ATP8B4: variants seen among roughly 807,000 people sequenced by gnomAD.
The protein encoded by ATP8B4 is probable phospholipid-transporting ATPase IM.
Under a neutral mutation model 145.6 loss-of-function variants are expected in ATP8B4, and 133 were observed. That is an observed-to-expected ratio of 0.91 (90% CI 0.79 to 1.05). The LOEUF is 1.05. Ranked by LOEUF, ATP8B4 falls within the 50% of genes least tolerant of loss-of-function variation. The probability of loss-of-function intolerance (pLI) is 0.00; values close to 1 mark genes in which losing one functional copy is unlikely to be tolerated. For synonymous variants in ATP8B4, 507 were observed against 492.9 expected (o/e 1.03, Z -0.38); for missense variants, 1,458 against 1,425.2 (o/e 1.02, Z -0.37).
chr15:50,086,039 T>TAAA (rs2055003034), intron 2 of ATP8B4, among the ~76,000 whole-genome samples: 1 of 106,100 alleles, frequency 9.4e-6, no homozygotes, highest in Non-Finnish European at 1.7e-5. Flanking sequence ...TTATATATAA[T>TAAA]ATAATATATA....
intron 16 of ATP8B4, among the ~76,000 whole-genome samples, chr15:49,925,594 T>C (rs1000938635): frequency 6.6e-6 from 1 of 152,200 alleles, no homozygotes; most frequent in Non-Finnish European, 1.5e-5. Context: ...TTACCATCAC[T>C]GTATCTTAGT....
intron 19 of ATP8B4, among the ~76,000 whole-genome samples, chr15:49,917,507 C>G (rs555961466): frequency 4.0e-4 from 61 of 152,156 alleles, no homozygotes; most frequent in African/African-American, 1.5e-3. Flanking sequence ...AAAAAATGCT[C>G]TTATGAAATT....
rs1567113428 is a variant in ATP8B4 at position 49,972,666 on chromosome 15, C to A, written c.1159G>T (p.Glu387Ter). ...CCCGTTTTGTCGGAGAAAATGTACT[C>A]AATCTGCCCCAGTTCCTCATTGAGC... Reference protein sequence around the residue: ...TTLNEELGQIEYIFSDKTGTL... With the variant: ...TTLNEELGQI Residue 387 changes from glutamate (E) to a stop codon, truncating the protein, a stop_gained, in exon 13 of 28, where the codon GAG becomes TAG. Transcript: ENST00000284509. LOFTEE classifies it high-confidence loss of function. The A allele has an allele frequency of 6.2e-7, 1 of 1,613,994 alleles. No individual in the cohort carries two copies. The highest frequency in any genetic ancestry group is 8.5e-7 in the Non-Finnish European group (1 of 1,179,978).
At chr15:50,105,126 A>T (rs114099659) in intron 2 of ATP8B4, among the ~76,000 whole-genome samples, 2,756 of 152,078 alleles carry the variant, frequency 0.018, 84 homozygotes, top group African/African-American at 0.063. Context: ...GAGTGAGGGA[A>T]AAAAGACTAC....
Position 50,144,693 on chromosome 15 carries a change from T to C in ATP8B4, c.-43+37568A>G, listed in dbSNP as rs549019084. 7.2e-5 allele frequency among the ~76,000 whole-genome samples: 11 copies of C among 152,242 alleles called. No individual in the cohort carries two copies. The South Asian group carries it at 2.3e-3, about 32-fold the overall frequency. ...ATCACAAAGTTAAGGCATGTTTTCC[T>C]TCACTTCATCATGAAAGAATAACCT... On this transcript the variant is annotated intron_variant, in intron 1 of 3. Transcript: ENST00000558829.
intron 5 of ATP8B4, among the ~76,000 whole-genome samples, chr15:50,043,755 C>T: frequency 6.6e-6 from 1 of 151,538 alleles, no homozygotes; most frequent in Non-Finnish European, 1.5e-5. Flanking sequence ...AGATCGAGAC[C>T]ATCCTGGCTA....
chr15:50,125,340 C>G (rs2057300082), intron 1 of ATP8B4, among the ~76,000 whole-genome samples: 1 of 152,198 alleles, frequency 6.6e-6, no homozygotes, highest in Non-Finnish European at 1.5e-5. Flanking sequence ...CTCTTCATCT[C>G]TTTACCCTTT....
intron 19 of ATP8B4, among the ~76,000 whole-genome samples, 196 bp downstream of exon 19, chr15:49,918,643 A>G (rs896970604): frequency 3.3e-5 from 5 of 152,226 alleles, no homozygotes; most frequent in African/African-American, 9.6e-5. Context: ...TATACTATGG[A>G]AGGCATTTTG....
At chr15:50,095,753 TA>T (rs35556719) in intron 2 of ATP8B4, among the ~76,000 whole-genome samples, 37 of 145,876 alleles carry the variant, frequency 2.5e-4, no homozygotes, top group South Asian at 2.2e-4. Context: ...ACCCTGTTTC[TA>T]AAAAAAAAAA....
chr15:49,992,619 G>T (rs2047128237), intron 9 of ATP8B4, among the ~76,000 whole-genome samples: 1 of 152,160 alleles, frequency 6.6e-6, no homozygotes, highest in African/African-American at 2.4e-5. Flanking sequence ...CTTCTCTGGG[G>T]ATAGGAGTGG....
chr15:50,054,859 C>T (rs1183485423), intron 3 of ATP8B4, among the ~76,000 whole-genome samples: 4 of 145,682 alleles, frequency 2.7e-5, no homozygotes, highest in East Asian at 2.1e-4. Context: ...GTCCTGTTAA[C>T]GACACATGTA....
At chr15:50,167,781 AC>A (rs2044615710) in intron 1 of ATP8B4, among the ~76,000 whole-genome samples, 1 of 152,206 alleles carries the variant, frequency 6.6e-6, no homozygotes, top group African/African-American at 2.4e-5. Flanking sequence ...CAATTCCCTT[AC>A]CAAAAAATGG....
chr15:50,054,568 G>A (rs1187659419), intron 3 of ATP8B4, among the ~76,000 whole-genome samples: 1 of 152,044 alleles, frequency 6.6e-6, no homozygotes, highest in Non-Finnish European at 1.5e-5. Flanking sequence ...CGGATCACAA[G>A]GTCAGGAGAT....
At chr15:50,002,950 T>C (rs188583144) in intron 7 of ATP8B4, among the ~76,000 whole-genome samples, 1 of 152,304 alleles carries the variant, frequency 6.6e-6, no homozygotes, top group East Asian at 1.9e-4. Flanking sequence ...GGTAGCTCTC[T>C]AAATTGGCAA....
At chr15:50,027,914 C>T (rs1475102140) in intron 6 of ATP8B4, among the ~76,000 whole-genome samples, 1 of 152,224 alleles carries the variant, frequency 6.6e-6, no homozygotes, top group South Asian at 2.1e-4. Context: ...TACTGTTTCA[C>T]TTGAAGTCAC....
At chr15:50,121,870 T>C (rs536918419), upstream of ATP8B4, among the ~76,000 whole-genome samples, 15 of 152,212 alleles carry the variant, frequency 9.9e-5, no homozygotes, top group African/African-American at 3.4e-4. Flanking sequence ...TCATCTCAAC[T>C]TGTCCTGACA....
chr15:50,137,741 T>A (rs2044142152), intron 1 of ATP8B4, among the ~76,000 whole-genome samples: 1 of 152,148 alleles, frequency 6.6e-6, no homozygotes, highest in African/African-American at 2.4e-5. Flanking sequence ...ACGCACATGA[T>A]CCTTAGAGAC....
chr15:50,164,150 T>C (rs141552736), intron 1 of ATP8B4, among the ~76,000 whole-genome samples: 1 of 152,152 alleles, frequency 6.6e-6, no homozygotes, highest in Non-Finnish European at 1.5e-5. Flanking sequence ...GTACTCAAGC[T>C]ACAAGACAAA....
chr15:50,012,553 G>A (rs1208082590), intron 6 of ATP8B4, among the ~76,000 whole-genome samples: 4 of 152,036 alleles, frequency 2.6e-5, no homozygotes, highest in African/African-American at 9.7e-5. Context: ...ATGGACAATT[G>A]GACACACTTT....
Sources: gnomAD v4.1 joint callset for allele counts (sites outside exome capture counted in the v4.1 genomes callset) on GRCh38, gnomAD v4.1.1 for gene constraint, MANE v1.5 for transcripts, NCBI Gene and HGNC (gene_info 2026-07-23, HGNC 2026-07-21) for gene names.